Variants in MSI2 observed in about 807,000 individuals in gnomAD.
MSI2 encodes the protein RNA-binding protein Musashi homolog 2.
A neutral mutation model predicts 45.6 loss-of-function variants in MSI2; 17 were observed. The observed-to-expected ratio is 0.37, with a 90% CI of 0.26 to 0.56. The LOEUF (loss-of-function observed/expected upper bound fraction) is 0.56, where lower values mean the gene tolerates loss of function less well. MSI2 is among the 20% of genes least tolerant of loss of function. MSI2 has a pLI of 0.77. For synonymous variants in MSI2, 156 were observed against 158.2 expected (o/e 0.99, Z 0.11); for missense variants, 293 against 444.2 (o/e 0.66, Z 3.06).
intron 6 of MSI2, among the ~76,000 whole-genome samples, chr17:57,481,227 C>G (rs2085640847): frequency 6.6e-6 from 1 of 152,192 alleles, no homozygotes; most frequent in African/African-American, 2.4e-5. Flanking sequence ...CTTGAAGAGA[C>G]TGAAGAGTAG....
At chr17:57,413,874 C>A (rs2084243420) in intron 6 of MSI2, among the ~76,000 whole-genome samples, 1 of 151,934 alleles carries the variant, frequency 6.6e-6, no homozygotes, top group Non-Finnish European at 1.5e-5. Flanking sequence ...CCTCATTAGG[C>A]CCACAAGGCA....
chr17:57,554,601 A>G (rs1382802997), intron 7 of MSI2, among the ~76,000 whole-genome samples: 3 of 152,272 alleles, frequency 2.0e-5, no homozygotes, highest in Admixed American at 1.3e-4. Flanking sequence ...TATTGTTTTT[A>G]ACAAGGATGA....
intron 6 of MSI2, among the ~76,000 whole-genome samples, chr17:57,439,652 G>A (rs1370920169): frequency 1.3e-5 from 2 of 151,224 alleles, no homozygotes; most frequent in Non-Finnish European, 2.9e-5. Context: ...TCTGCCTCCC[G>A]GGTTCAAGTG....
At chr17:57,410,098 C>G (rs2084167308) in intron 6 of MSI2, among the ~76,000 whole-genome samples, 1 of 150,918 alleles carries the variant, frequency 6.6e-6, no homozygotes, top group Non-Finnish European at 1.5e-5. Context: ...GGGAGAAGAC[C>G]TGGGCAGGAT....
intron 7 of MSI2, among the ~76,000 whole-genome samples, chr17:57,557,149 C>T (rs979805085): frequency 6.6e-6 from 1 of 152,166 alleles, no homozygotes; most frequent in Non-Finnish European, 1.5e-5. Context: ...AAAGGCATGG[C>T]AGATGGTACA....
intron 5 of MSI2, among the ~76,000 whole-genome samples, chr17:57,281,802 A>G (rs1313350433): frequency 2.6e-5 from 4 of 152,166 alleles, no homozygotes; most frequent in Admixed American, 2.0e-4. Context: ...AGGTTGACTG[A>G]CAACTGCCGA....
chr17:57,610,036 A>C lies in MSI2; in HGVS notation c.538-5934A>C, dbSNP rs1041095540. On this transcript the variant is annotated intron_variant, in intron 8 of 13. Coordinates refer to ENST00000284073, the MANE Select transcript of MSI2 (RefSeq NM_138962.4). ...TCATTATCGGGTCCGCTGGCAAAAC[A>C]AGCGTATGGAAGGTAAAGTATTGCA... Among the ~76,000 whole-genome samples the C allele has an allele frequency of 2.0e-5, 3 of 152,208 alleles. 1 individual carries two copies. In the East Asian group the frequency reaches 5.8e-4, roughly 29 times the overall value.
Position 57,529,832 on chromosome 17 carries a change from C to A in MSI2, c.454+108C>A. ...ATACAGTGAAGAGTCCAGAGTCAAG[C>A]AGGTAGAGGTGACCATCCATTGAAG... On this transcript the variant is annotated intron_variant, in intron 7 of 13. Transcript: ENST00000284073. This position sits in a 1 kb window ranked among gnomAD's most constrained non-coding sequence, Gnocchi z 5.3. 1.2e-6 allele frequency: 1 copy of A among 864,484 alleles called. No individual in the cohort carries two copies. The highest frequency in any genetic ancestry group is 1.8e-6 in the Non-Finnish European group (1 of 552,616). The allele number at this position is 864,484 out of a possible 1,614,324, so 53.6% of individuals were successfully genotyped here. A position where few individuals can be genotyped will look rare whatever the true frequency, so the allele number is the denominator to read the frequency against.
At chr17:57,607,013 TTC>T (rs1906673470) in intron 8 of MSI2, among the ~76,000 whole-genome samples, 1 of 152,118 alleles carries the variant, frequency 6.6e-6, no homozygotes, top group African/African-American at 2.4e-5. Context: ...TCCTTAGAAC[TTC>T]TGTGTCCTTT....
chr17:57,258,998 A>G (rs1372975935), intron 4 of MSI2, among the ~76,000 whole-genome samples: 1 of 151,804 alleles, frequency 6.6e-6, no homozygotes. Flanking sequence ...GAGTATGGGT[A>G]CTTTTATACA....
chr17:57,539,184 A>AT (rs11432676), intron 7 of MSI2, among the ~76,000 whole-genome samples: 88,235 of 143,438 alleles, frequency 0.62, 28,305 homozygotes, highest in East Asian at 0.81. Context: ...TACTTTTTGA[A>AT]TTTTTTTTTT....
At chr17:57,323,331 G>C (rs1417300149) in intron 5 of MSI2, among the ~76,000 whole-genome samples, 1 of 152,186 alleles carries the variant, frequency 6.6e-6, no homozygotes, top group Non-Finnish European at 1.5e-5. Context: ...TTTTGACTGA[G>C]AGAGTCCGTT....
chr17:57,256,961 G>C, intron 1 of MSI2, 137 bp from the exon 2 acceptor site: 1 of 1,427,084 alleles, frequency 7.0e-7, no homozygotes, highest in Non-Finnish European at 9.4e-7. Flanking sequence ...GCATTTCGCC[G>C]TCACCTTCTC....
At chr17:57,336,132 T>C (rs1192249273) in intron 5 of MSI2, among the ~76,000 whole-genome samples, 1 of 152,076 alleles carries the variant, frequency 6.6e-6, no homozygotes, top group Non-Finnish European at 1.5e-5. Flanking sequence ...CTGCTGCACT[T>C]ATCCAAGGGC....
rs1224754691 is a variant in MSI2 at position 57,349,291 on chromosome 17, C to T, written c.313-52088C>T. On this transcript the variant is annotated intron_variant, in intron 5 of 13. Transcript: ENST00000284073. ...GCCCGGGGATTTTCAGTGTGTGTCT[C>T]CGTGTGTGTGTTTGTGTGTGTGTGC... Among the ~76,000 whole-genome samples the T allele has an allele frequency of 2.0e-5, 3 of 152,118 alleles. No homozygotes were observed. The East Asian group carries it at 5.8e-4, about 29-fold the overall frequency.
intron 9 of MSI2, chr17:57,626,738 G>A (rs761451885): frequency 1.3e-4 from 21 of 161,494 alleles, no homozygotes; most frequent in African/African-American, 1.9e-4. Context: ...CAGGCCCAGC[G>A]TTTTCCAGAG....
intron 6 of MSI2, among the ~76,000 whole-genome samples, chr17:57,411,625 G>A (rs969560251): frequency 7.9e-5 from 12 of 152,158 alleles, no homozygotes; most frequent in Admixed American, 6.5e-5. Flanking sequence ...CCTGGGTGAG[G>A]ACTCTGGGTT....
intron 5 of MSI2, among the ~76,000 whole-genome samples, chr17:57,311,406 C>G (rs772419690): frequency 1.3e-5 from 2 of 152,184 alleles, no homozygotes; most frequent in African/African-American, 4.8e-5. Context: ...CACAGCAGTT[C>G]TACATGCGGT....
At chr17:57,587,299 C>T (rs1904384810) in intron 7 of MSI2, among the ~76,000 whole-genome samples, 2 of 152,154 alleles carry the variant, frequency 1.3e-5, no homozygotes, top group Admixed American at 6.5e-5. Context: ...TCATGGTTGG[C>T]GCCTGACTTT....
Sources: allele counts gnomAD v4.1 joint callset (sites outside exome capture counted in the v4.1 genomes callset), GRCh38; gene constraint gnomAD v4.1.1; non-coding constraint Gnocchi (gnomAD v3.1); transcripts MANE v1.5; gene names NCBI Gene and HGNC (gene_info 2026-07-23, HGNC 2026-07-21).